Variants in RGS7 observed in about 807,000 individuals in gnomAD.
RGS7 encodes regulator of G-protein signaling 7.
RGS7 carries 27 observed loss-of-function variants against 81.1 expected under a neutral mutation model. That is an observed-to-expected ratio of 0.33 (90% CI 0.25 to 0.46). The LOEUF is 0.46. Ranked by LOEUF, RGS7 falls within the 20% of genes least tolerant of loss-of-function variation. The pLI is 1.00. For missense variants in RGS7, 396 were observed against 607.4 expected (o/e 0.65, Z 3.66); for synonymous variants, 208 against 207.7 (o/e 1.00, Z -0.01).
chr1:241,177,893 T>C (rs1393180953), intron 2 of RGS7, among the ~76,000 whole-genome samples: 1 of 151,898 alleles, frequency 6.6e-6, no homozygotes, highest in Admixed American at 6.6e-5. Context: ...AAAAGGAGGG[T>C]CGAGAAGAAT....
intron 3 of RGS7, among the ~76,000 whole-genome samples, chr1:241,047,057 T>C (rs1378941968): frequency 6.6e-6 from 1 of 152,150 alleles, no homozygotes; most frequent in African/African-American, 2.4e-5. Context: ...CTCAGATCTA[T>C]CTAATTGCAG....
chr1:240,994,148 T>C (rs1198878907), intron 3 of RGS7, among the ~76,000 whole-genome samples: 1 of 152,240 alleles, frequency 6.6e-6, no homozygotes, highest in Admixed American at 6.5e-5. Flanking sequence ...TCTTTCAAAA[T>C]TGTTTTACCT....
rs564467197 is a variant in RGS7 at position 241,055,171 on chromosome 1, C to T, written c.175+43495G>A. On this transcript the variant is annotated intron_variant, in intron 3 of 18. Transcript: ENST00000440928. ...AACACAGGACTACTGACACCAGATT[C>T]TCCAGCAGACATCAGTTGGATGTCC... Among the ~76,000 whole-genome samples the T allele has an allele frequency of 2.0e-5, 3 of 152,302 alleles. No individual in the cohort carries two copies. In the East Asian group the frequency reaches 5.8e-4, roughly 29 times the overall value.
intron 16 of RGS7, among the ~76,000 whole-genome samples, chr1:240,801,728 A>G (rs1466386479): frequency 1.3e-5 from 2 of 152,176 alleles, no homozygotes; most frequent in African/African-American, 4.8e-5. Flanking sequence ...TTCCTTGTAC[A>G]AACAAAATGG....
chr1:241,318,534 A>G (rs1464507397), intron 2 of RGS7, among the ~76,000 whole-genome samples: 7 of 151,312 alleles, frequency 4.6e-5, no homozygotes, highest in Non-Finnish European at 1.0e-4. Context: ...TTGGCTCACC[A>G]CAACCTCTGC....
At chr1:240,990,631 A>G (rs749142113) in intron 3 of RGS7, among the ~76,000 whole-genome samples, 4 of 152,256 alleles carry the variant, frequency 2.6e-5, no homozygotes, top group Non-Finnish European at 5.9e-5. Flanking sequence ...CATCAGGTAT[A>G]TCTAGAGAAA....
At chr1:241,091,190 G>A (rs941264090) in intron 3 of RGS7, among the ~76,000 whole-genome samples, 2 of 152,136 alleles carry the variant, frequency 1.3e-5, no homozygotes, top group African/African-American at 2.4e-5. Flanking sequence ...TAACCACATA[G>A]AAGGTTTCCA....
chr1:241,327,055 A>C (rs1422620708), intron 2 of RGS7, among the ~76,000 whole-genome samples: 1 of 5,984 alleles, frequency 1.7e-4, no homozygotes, highest in Non-Finnish European at 3.5e-4. Context: ...AGGGGAAAGG[A>C]AGGAAGAAGG....
At chr1:241,151,561 A>T (rs112490638) in intron 2 of RGS7, among the ~76,000 whole-genome samples, 2,050 of 148,232 alleles carry the variant, frequency 0.014, 33 homozygotes, top group African/African-American at 0.05. Context: ...ATGGATTAGG[A>T]ACTCTTTTTT....
At chr1:241,135,358 C>T (rs2067428328) in intron 2 of RGS7, among the ~76,000 whole-genome samples, 1 of 152,008 alleles carries the variant, frequency 6.6e-6, no homozygotes, top group South Asian at 2.1e-4. Context: ...ACCCGGGAGG[C>T]GGAGCTTGCA....
intron 2 of RGS7, among the ~76,000 whole-genome samples, chr1:241,200,077 T>C (rs1255025912): frequency 6.6e-6 from 1 of 152,190 alleles, no homozygotes; most frequent in Non-Finnish European, 1.5e-5. Context: ...AAATTATTAG[T>C]AACAACTCCA....
chr1:241,314,207 A>G (rs888972472), intron 2 of RGS7, among the ~76,000 whole-genome samples: 1 of 152,244 alleles, frequency 6.6e-6, no homozygotes, highest in Non-Finnish European at 1.5e-5. Context: ...ACAGCATAAC[A>G]TGCAATGGAG....
At chr1:240,866,229 T>C (rs1674747) in intron 9 of RGS7, among the ~76,000 whole-genome samples, 56,296 of 152,062 alleles carry the variant, frequency 0.37, 13,757 homozygotes, top group African/African-American at 0.7. Context: ...TAAGGGATGA[T>C]GGCCGGGCGC....
chr1:240,799,155 C>G (rs1396806706), intron 18 of RGS7, among the ~76,000 whole-genome samples: 2 of 151,992 alleles, frequency 1.3e-5, no homozygotes, highest in Non-Finnish European at 2.9e-5. Flanking sequence ...CAGAATAACA[C>G]CCAAATAAAG....
At chr1:241,119,439 C>T (rs751667977) in intron 2 of RGS7, among the ~76,000 whole-genome samples, 11 of 152,164 alleles carry the variant, frequency 7.2e-5, no homozygotes, top group Non-Finnish European at 1.3e-4. Context: ...ACCAAAACTC[C>T]ACAGGTAGTA....
intron 9 of RGS7, among the ~76,000 whole-genome samples, chr1:240,861,658 A>G (rs1163719503): frequency 6.6e-6 from 1 of 152,164 alleles, no homozygotes; most frequent in Admixed American, 6.5e-5. Context: ...ACTCTGTTTA[A>G]TAACATTTCA....
At chr1:241,339,012 T>C (rs1481770150) in intron 2 of RGS7, among the ~76,000 whole-genome samples, 12 of 152,156 alleles carry the variant, frequency 7.9e-5, no homozygotes, top group Non-Finnish European at 1.8e-4. Context: ...AAGCCCAACA[T>C]GCATTAGCTA....
intron 18 of RGS7, among the ~76,000 whole-genome samples, chr1:240,777,567 G>A (rs1216544764): frequency 6.6e-6 from 1 of 152,170 alleles, no homozygotes; most frequent in Non-Finnish European, 1.5e-5. Context: ...CATTGCCTTA[G>A]TCTGTTTGGG....
intron 3 of RGS7, among the ~76,000 whole-genome samples, chr1:241,074,558 G>A (rs939331648): frequency 5.9e-5 from 9 of 152,334 alleles, no homozygotes; most frequent in Non-Finnish European, 8.8e-5. Flanking sequence ...CTGGCTTCAC[G>A]TTCAGACAGA....
Sources: allele counts gnomAD v4.1 joint callset (sites outside exome capture counted in the v4.1 genomes callset), GRCh38; gene constraint gnomAD v4.1.1; transcripts MANE v1.5; gene names NCBI Gene and HGNC (gene_info 2026-07-23, HGNC 2026-07-21).